BRSK1: variants seen among roughly 807,000 people sequenced by gnomAD.
BRSK1 encodes serine/threonine-protein kinase BRSK1.
BRSK1 carries 17 observed loss-of-function variants against 86.2 expected under a neutral mutation model. That is an observed-to-expected ratio of 0.20 (90% CI 0.14 to 0.30). The LOEUF is 0.30. Among genes scored for constraint, BRSK1 ranks in the 10% least tolerant of loss-of-function variants. BRSK1 has a pLI of 1.00. For missense variants in BRSK1, 719 were observed against 1,071.9 expected (o/e 0.67, Z 4.60); for synonymous variants, 464 against 440.1 (o/e 1.05, Z -0.68).
In BRSK1 at chr19:55,304,128, G is replaced by T. The variant is rs761664653; in HGVS notation, c.1347+18G>T. ...GCCCAAGGGTAAGGCCAGGTCCCCA[G>T]TGGGATTTAAGAAGGAGAAAGGGGT... On this transcript the variant is annotated intron_variant, in intron 13 of 18. Transcript: ENST00000309383. The surrounding 1 kb of genome is among the most constrained non-coding windows in gnomAD (Gnocchi z 5.2). 1 of 1,609,198 alleles carries T rather than the reference G, an allele frequency of 6.2e-7. No homozygotes were observed.
intron 7 of BRSK1, among the ~76,000 whole-genome samples, chr19:55,298,209 C>CTTTTTTTTTT (rs71181751): frequency 5.7e-5 from 4 of 69,620 alleles, no homozygotes; most frequent in Admixed American, 1.8e-4. Context: ...TTTGTTTCTT[C>CTTTTTTTTTT]TTTTTTTTTT....
At chr19:55,289,450 C>T in intron 3 of BRSK1, 30 bp from the exon 4 acceptor site, 1 of 1,598,472 alleles carries the variant, frequency 6.3e-7, no homozygotes, top group Admixed American at 1.8e-5. Flanking sequence ...CATGCCCCTT[C>T]CAGCCCTCTG....
At position 55,292,933 on chromosome 19, in the gene BRSK1, G is replaced by A. The variant is rs537090826; in HGVS notation, c.459-1084G>A. Among the ~76,000 whole-genome samples, 10 of 152,142 alleles carry A rather than the reference G, an allele frequency of 6.6e-5. No homozygotes were observed. In the South Asian group the frequency reaches 2.1e-3, roughly 32 times the overall value. ...TAAGGCCAGAGGATCACTTGAGCTGGGGAGGTCAAGGCTGCAGTGAGCTAT... is the reference window on the plus strand; with the variant it reads ...TAAGGCCAGAGGATCACTTGAGCTGAGGAGGTCAAGGCTGCAGTGAGCTAT... On this transcript the variant is annotated intron_variant, in intron 4 of 18. Transcript: ENST00000309383.
At chr19:55,295,098 G>A (rs1037522023) in intron 7 of BRSK1, among the ~76,000 whole-genome samples, 4 of 151,448 alleles carry the variant, frequency 2.6e-5, no homozygotes, top group African/African-American at 7.3e-5. Context: ...CATCGTGCCC[G>A]GCAGCTGAAT....
At position 55,284,490 on chromosome 19, in the gene BRSK1, C is replaced by G; in HGVS notation, c.48C>G (p.His16Gln). 8.9e-7 allele frequency: 1 copy of G among 1,125,958 alleles called. No individual in the cohort carries two copies. The highest frequency in any genetic ancestry group is 1.2e-6 in the Non-Finnish European group (1 of 838,974). The allele number at this position is 1,125,958 out of a possible 1,614,324, so 69.7% of individuals were successfully genotyped here. The change falls in exon 1 of 19, where the codon CAC becomes CAG. Residue 16 changes from histidine to glutamine, a missense_variant. By Grantham distance (24) the His-to-Gln change is conservative. Transcript: ENST00000309383. ...KEGGGGSPAYHLPHPHPHPPQ... is the reference protein window; with the variant it reads ...KEGGGGSPAYQLPHPHPHPPQ... ...GAGGTGGGGGCTCTCCCGCCTACCA[C>G]CTCCCCCACCCCCACCCCCACCCAC...
In BRSK1 at chr19:55,304,571, A is replaced by G. The variant is rs1378876741; in HGVS notation, c.1368A>G (p.Ser456=). Residue 456 remains serine (S), a synonymous_variant, in exon 14 of 19, where the codon TCA becomes TCG. Transcript: ENST00000309383. This position sits in a 1 kb window ranked among gnomAD's most constrained non-coding sequence, Gnocchi z 5.2. The stretch of plus-strand genomic sequence containing the variant: ...TGCAGAGTCCGGTCTTTTCCTTTTC[A>G]CCGGAGCCGGGGGCTGGAGATGAGG... ...SSPRSPVFSF[S]PEPGAGDEAR... The G allele has an allele frequency of 1.9e-6, 3 of 1,583,714 alleles. No individual in the cohort carries two copies. Among genetic ancestry groups the G allele is most frequent in the Non-Finnish European group, 2.6e-6 (3 of 1,167,586 alleles).
Position 55,284,135 on chromosome 19 carries a change from AC to A in BRSK1, c.-301del, listed in dbSNP as rs1335425168. On this transcript the variant is annotated 5_prime_UTR_variant, in exon 1 of 19. The change abolishes the stop of an existing upstream ORF in the 5' untranslated region. Transcript: ENST00000309383. ...CAGCATCCGCCGGCCCGCACCTCAG[AC>A]CCCCCCGGCGGGGGGAGGCGCAGGA... The A allele has an allele frequency of 1.4e-4, 141 of 1,037,442 alleles. No homozygotes were observed. The highest frequency in any genetic ancestry group is 4.0e-4 in the Middle Eastern group (1 of 2,522). The allele number at this position is 1,037,442 out of a possible 1,614,324, so 64.3% of individuals were successfully genotyped here.
chr19:55,305,034 T>A (rs1389225763), intron 14 of BRSK1, 114 bp downstream of exon 14: 1 of 1,465,530 alleles, frequency 6.8e-7, no homozygotes, highest in Non-Finnish European at 9.1e-7. Context: ...GGGCCTGGAT[T>A]CCCACGTTCT....
At chr19:55,300,073 CT>C (rs2088549067) in intron 7 of BRSK1, among the ~76,000 whole-genome samples, 1 of 152,164 alleles carries the variant, frequency 6.6e-6, no homozygotes, top group Non-Finnish European at 1.5e-5. Context: ...TGGAATGCAA[CT>C]TCTCTGCTCA....
At chr19:55,291,234 C>T (rs1304916331) in intron 4 of BRSK1, among the ~76,000 whole-genome samples, 3 of 152,040 alleles carry the variant, frequency 2.0e-5, no homozygotes, top group Non-Finnish European at 4.4e-5. Context: ...GCCTATGTGT[C>T]CACTTTTAAA....
rs1448433346 is a variant in BRSK1 at position 55,295,157 on chromosome 19, CTG to C, written c.678+762_678+763del. On this transcript the variant is annotated intron_variant, in intron 7 of 18. Transcript: ENST00000309383. ...TTATTTTTTGAGAGAGGATCTCTCT[CTG>C]TCGCCCAGGCTGGAGTGCAGTGGCG... Among the ~76,000 whole-genome samples, 4 of 152,008 alleles carry C rather than the reference CTG, an allele frequency of 2.6e-5. No individual in the cohort carries two copies. The East Asian group carries it at 7.7e-4, about 29-fold the overall frequency.
Position 55,308,685 on chromosome 19 carries a change from G to C in BRSK1, c.2136G>C (p.Gln712His). 6.2e-7 allele frequency: 1 copy of C among 1,607,044 alleles called. No homozygotes were observed. Among genetic ancestry groups the C allele is most frequent in the Non-Finnish European group, 8.5e-7 (1 of 1,177,440 alleles). The change falls in exon 18 of 19, where the codon CAG (glutamine) becomes CAC (histidine). Residue 712 changes from glutamine to histidine, a missense_variant. Physicochemically the swap from Gln to His is conservative, Grantham distance 24. Transcript: ENST00000309383. ...FKRVVETIQA[Q>H]LLSTHDQPSV... Reference sequence around the variant, plus strand: ...GAGTGGTGGAGACCATCCAGGCACAGCTCCTGAGCACTCATGACCAGCCCT... The same window carrying C: ...GAGTGGTGGAGACCATCCAGGCACACCTCCTGAGCACTCATGACCAGCCCT...
chr19:55,284,258 C>T lies in BRSK1; in HGVS notation c.-185C>T, dbSNP rs2122918067. 2.1e-6 allele frequency: 1 copy of T among 467,674 alleles called. No individual in the cohort carries two copies. Among genetic ancestry groups the T allele is most frequent in the Non-Finnish European group, 3.4e-6 (1 of 295,270 alleles). 29.0% of individuals were successfully genotyped at this position (467,674 alleles called of 1,614,324 possible). On this transcript the variant is annotated 5_prime_UTR_variant, in exon 1 of 19. Coordinates refer to ENST00000309383, the MANE Select transcript of BRSK1 (RefSeq NM_032430.2). ...GGGCCTGACCCCCCCGGGCCAGCCCCCCCTCCCCCAGCTCCGCGGCCCGCC... is the reference window on the plus strand; with the variant it reads ...GGGCCTGACCCCCCCGGGCCAGCCCTCCCTCCCCCAGCTCCGCGGCCCGCC...
chr19:55,302,681 T>C lies in BRSK1; in HGVS notation c.858-16T>C. 6.3e-7 allele frequency: 1 copy of C among 1,596,426 alleles called. No individual in the cohort carries two copies. Among genetic ancestry groups the C allele is most frequent in the Non-Finnish European group, 8.6e-7 (1 of 1,168,316 alleles). On this transcript the variant is annotated splice_polypyrimidine_tract_variant and intron_variant, in intron 9 of 18. Coordinates refer to ENST00000309383, the MANE Select transcript of BRSK1 (RefSeq NM_032430.2). The surrounding 1 kb of genome is among the most constrained non-coding windows in gnomAD (Gnocchi z 6.3). ...TCAGAAGCCCGGTTCCCAATAATGTTTCTCCACTTCCCCAGAGGCGGGAAA... is the reference window on the plus strand; with the variant it reads ...TCAGAAGCCCGGTTCCCAATAATGTCTCTCCACTTCCCCAGAGGCGGGAAA...
At position 55,304,116 on chromosome 19, in the gene BRSK1, G is replaced by T. The variant is rs1339732154; in HGVS notation, c.1347+6G>T. 6.2e-7 allele frequency: 1 copy of T among 1,611,602 alleles called. No individual in the cohort carries two copies. The highest frequency in any genetic ancestry group is 8.5e-7 in the Non-Finnish European group (1 of 1,179,508). ...GCCCTCTAAGCAGCCCAAGGGTAAG[G>T]CCAGGTCCCCAGTGGGATTTAAGAA... On this transcript the variant is annotated splice_donor_region_variant and intron_variant, in intron 13 of 18. Coordinates refer to ENST00000309383, the MANE Select transcript of BRSK1 (RefSeq NM_032430.2). The surrounding 1 kb of genome is among the most constrained non-coding windows in gnomAD (Gnocchi z 5.2).
At position 55,302,532 on chromosome 19, in the gene BRSK1, G is replaced by T; in HGVS notation, c.858-165G>T. The stretch of plus-strand genomic sequence containing the variant: ...AAGGGGCTGGAGGTCTGGACTCCTG[G>T]GTCTGAGATGGGGGGCGAGGTCTGG... On this transcript the variant is annotated intron_variant, in intron 9 of 18. Transcript: ENST00000309383. This position sits in a 1 kb window ranked among gnomAD's most constrained non-coding sequence, Gnocchi z 6.3. The T allele has an allele frequency of 2.3e-6, 2 of 873,946 alleles. No homozygotes were observed. The highest frequency in any genetic ancestry group is 3.4e-5 in the South Asian group (2 of 58,272). 54.1% of individuals were successfully genotyped at this position (873,946 alleles called of 1,614,324 possible).
Position 55,303,501 on chromosome 19 carries a change from C to A in BRSK1, c.1126+93C>A. ...CCCAGATTCCCAAGGAAAGAAGGGG[C>A]TGCAGGCTCTGAGCTTCCAGCTTTA... On this transcript the variant is annotated intron_variant, in intron 11 of 18. Coordinates refer to ENST00000309383, the MANE Select transcript of BRSK1 (RefSeq NM_032430.2). This position sits in a 1 kb window ranked among gnomAD's most constrained non-coding sequence, Gnocchi z 5.1. The A allele has an allele frequency of 6.7e-7, 1 of 1,489,086 alleles. No homozygotes were observed. The highest frequency in any genetic ancestry group is 9.3e-7 in the Non-Finnish European group (1 of 1,072,256). The allele number at this position is 1,489,086 out of a possible 1,614,324, so 92.2% of individuals were successfully genotyped here. A position where few individuals can be genotyped will look rare whatever the true frequency, so the allele number is the denominator to read the frequency against.
At chr19:55,296,738 C>T (rs764402516) in intron 7 of BRSK1, among the ~76,000 whole-genome samples, 70 of 152,210 alleles carry the variant, frequency 4.6e-4, no homozygotes, top group Non-Finnish European at 9.3e-4. Context: ...GTCCCAGCTA[C>T]TCGGGAGGCT....
chr19:55,295,149 ATC>A lies in BRSK1; in HGVS notation c.678+760_678+761del, dbSNP rs36046150. 4.8e-3 allele frequency among the ~76,000 whole-genome samples: 650 copies of A among 135,630 alleles called. 4 individuals carry two copies. Among genetic ancestry groups the A allele is most frequent in the Non-Finnish European group, 8.0e-3 (500 of 62,220 alleles). The allele number at this position is 135,630 out of a possible 152,430, so 89.0% of individuals were successfully genotyped here. A position where few individuals can be genotyped will look rare whatever the true frequency, so the allele number is the denominator to read the frequency against. On this transcript the variant is annotated intron_variant, in intron 7 of 18. Transcript: ENST00000309383. ...TTTTATTTTTATTTTTTGAGAGAGGATCTCTCTCTGTCGCCCAGGCTGGAGTG... is the reference window on the plus strand; with the variant it reads ...TTTTATTTTTATTTTTTGAGAGAGGATCTCTCTGTCGCCCAGGCTGGAGTG...
Sources: allele counts gnomAD v4.1 joint callset (sites outside exome capture counted in the v4.1 genomes callset), GRCh38; gene constraint gnomAD v4.1.1; non-coding constraint Gnocchi (gnomAD v3.1); transcripts MANE v1.5; gene names NCBI Gene and HGNC (gene_info 2026-07-23, HGNC 2026-07-21).